ZBTB20: variants seen among roughly 807,000 people sequenced by gnomAD.
The protein encoded by ZBTB20 is zinc finger and BTB domain containing 20.
In ZBTB20, 9 loss-of-function variants were observed where a neutral mutation model predicts 56.9. The observed-to-expected ratio is 0.16, with a 90% CI of 0.10 to 0.28. The LOEUF (loss-of-function observed/expected upper bound fraction) is 0.28, where lower values mean the gene tolerates loss of function less well. Ranked by LOEUF, ZBTB20 falls within the 10% of genes least tolerant of loss-of-function variation. The pLI is 1.00. For synonymous variants in ZBTB20, 417 were observed against 420.7 expected, an observed-to-expected ratio of 0.99 and a Z score of 0.11; for missense variants, 655 against 1,003.0, an observed-to-expected ratio of 0.65 and a Z score of 4.69.
chr3:115,055,379 T>G (rs1359190361), intron 2 of ZBTB20, among the ~76,000 whole-genome samples: 1 of 152,112 alleles, frequency 6.6e-6, no homozygotes, highest in Non-Finnish European at 1.5e-5. Context: ...AGATGACCAC[T>G]GACCTGGTCA....
chr3:114,684,509 A>G (rs975393417), intron 6 of ZBTB20: 3 of 152,214 alleles, frequency 2.0e-5, no homozygotes, highest in Admixed American at 1.3e-4. Flanking sequence ...TTAGATATAC[A>G]GAAAGTTATT....
At chr3:114,804,253 G>C (rs962015206) in intron 4 of ZBTB20, among the ~76,000 whole-genome samples, 2 of 151,842 alleles carry the variant, frequency 1.3e-5, no homozygotes, top group African/African-American at 4.8e-5. Flanking sequence ...AAAACCTGAA[G>C]GGGGGTGAGA....
At chr3:114,996,282 T>G (rs570695353) in intron 2 of ZBTB20, among the ~76,000 whole-genome samples, 2 of 151,890 alleles carry the variant, frequency 1.3e-5, no homozygotes, top group Non-Finnish European at 2.9e-5. Context: ...TAGGTATACA[T>G]ATGCCATGGT....
At chr3:115,142,152 C>T (rs2084828966) in intron 1 of ZBTB20, among the ~76,000 whole-genome samples, 1 of 152,302 alleles carries the variant, frequency 6.6e-6, no homozygotes, top group East Asian at 1.9e-4. Flanking sequence ...ACAAAATCAC[C>T]AGGGAACCCT....
chr3:114,455,094 C>G (rs1320706688), intron 7 of ZBTB20, among the ~76,000 whole-genome samples: 25 of 124,988 alleles, frequency 2.0e-4, no homozygotes, highest in Non-Finnish European at 3.4e-4. Context: ...AGAGGAGAGA[C>G]GGAGAGAGAG....
intron 4 of ZBTB20, among the ~76,000 whole-genome samples, chr3:114,829,993 A>G (rs1222851583): frequency 7.9e-5 from 12 of 151,912 alleles, no homozygotes; most frequent in Admixed American, 5.3e-4. Flanking sequence ...GATCCTCGAT[A>G]CAGTCTAGGT....
intron 9 of ZBTB20, 141 bp from the exon 10 acceptor site, chr3:114,380,545 A>G: frequency 8.0e-7 from 1 of 1,250,002 alleles, no homozygotes. Context: ...GTTTTAAAAC[A>G]AGCTGATTCT....
chr3:114,616,696 C>T (rs1346123302), intron 6 of ZBTB20, among the ~76,000 whole-genome samples: 1 of 152,166 alleles, frequency 6.6e-6, no homozygotes, highest in Non-Finnish European at 1.5e-5. Context: ...AGATGACTGC[C>T]AAAGTCTGTC....
In ZBTB20 at chr3:114,323,169, A is replaced by G. The variant is rs1389308644; in HGVS notation, c.*15836T>C. 6.6e-6 allele frequency: 1 copy of G among 152,248 alleles called. No individual in the cohort carries two copies. Among genetic ancestry groups the G allele is most frequent in the African/African-American group, 2.4e-5 (1 of 41,470 alleles). 9.4% of individuals were successfully genotyped at this position (152,248 alleles called of 1,614,324 possible). On this transcript the variant is annotated 3_prime_UTR_variant, in exon 12 of 12. Coordinates refer to ENST00000675478, the MANE Select transcript of ZBTB20 (RefSeq NM_001348800.3). Reference sequence around the variant, plus strand: ...CTGATTACTTCTAAGATTAAAAAAGATAATAAAAATAAATTTAACAAAGAA... The same window carrying G: ...CTGATTACTTCTAAGATTAAAAAAGGTAATAAAAATAAATTTAACAAAGAA...
chr3:114,901,648 TTAAA>T (rs1267858733), intron 3 of ZBTB20, among the ~76,000 whole-genome samples: 8 of 152,020 alleles, frequency 5.3e-5, no homozygotes, highest in Non-Finnish European at 8.8e-5. Context: ...AGAAAAATAA[TTAAA>T]TAAAGCATAG....
intron 7 of ZBTB20, among the ~76,000 whole-genome samples, chr3:114,393,906 G>A (rs924202714): frequency 6.6e-6 from 1 of 152,182 alleles, no homozygotes; most frequent in African/African-American, 2.4e-5. Flanking sequence ...CGTTTCTGCA[G>A]ATCTGTCTTG....
intron 10 of ZBTB20, among the ~76,000 whole-genome samples, chr3:114,355,671 A>C (rs936065071): frequency 6.6e-6 from 1 of 152,230 alleles, no homozygotes; most frequent in African/African-American, 2.4e-5. Flanking sequence ...ATAGATTCCA[A>C]TGGAATAAAT....
intron 6 of ZBTB20, among the ~76,000 whole-genome samples, chr3:114,629,045 G>A (rs1043858958): frequency 5.3e-5 from 8 of 152,142 alleles, no homozygotes; most frequent in Admixed American, 3.3e-4. Context: ...CAAGTATCCT[G>A]GGTTTGTTTT....
intron 1 of ZBTB20, among the ~76,000 whole-genome samples, chr3:115,128,518 G>C (rs1263741272): frequency 6.6e-6 from 1 of 151,836 alleles, no homozygotes; most frequent in Non-Finnish European, 1.5e-5. Context: ...ACAAAAATTA[G>C]CTGGGTGTGG....
At chr3:114,973,937 A>C (rs2077993236) in intron 3 of ZBTB20, among the ~76,000 whole-genome samples, 1 of 152,004 alleles carries the variant, frequency 6.6e-6, no homozygotes, top group Non-Finnish European at 1.5e-5. Context: ...AACAAATACA[A>C]TTTTATTTCT....
At chr3:114,733,285 A>G (rs1230653013) in intron 5 of ZBTB20, among the ~76,000 whole-genome samples, 1 of 152,184 alleles carries the variant, frequency 6.6e-6, no homozygotes, top group Non-Finnish European at 1.5e-5. Flanking sequence ...CTTTCATAAC[A>G]GGTAGTTCTC....
intron 5 of ZBTB20, among the ~76,000 whole-genome samples, chr3:114,704,523 T>A (rs1387647828): frequency 2.0e-5 from 3 of 151,994 alleles, no homozygotes; most frequent in African/African-American, 7.2e-5. Context: ...ACAAAGAACA[T>A]AAATGAACAT....
At chr3:114,441,275 C>T (rs1403425769) in intron 7 of ZBTB20, among the ~76,000 whole-genome samples, 1 of 152,050 alleles carries the variant, frequency 6.6e-6, no homozygotes, top group African/African-American at 2.4e-5. Context: ...AATTTTCTGC[C>T]ACTCCGGCTC....
rs539638490 is a variant in ZBTB20, at chr3:115,094,428, A to G, written c.-702-23014T>C. On this transcript the variant is annotated intron_variant, in intron 1 of 11. Transcript: ENST00000675478. ...TCACTGTTTAAATGTCTTGGTGCCT[A>G]AATAAGATATTTTTGTTTATTTAAA... Among the ~76,000 whole-genome samples the G allele has an allele frequency of 9.2e-5, 14 of 152,214 alleles. No individual in the cohort carries two copies. The East Asian group carries it at 2.3e-3, about 25-fold the overall frequency.
Sources: gnomAD v4.1 joint callset for allele counts (sites outside exome capture counted in the v4.1 genomes callset) on GRCh38, gnomAD v4.1.1 for gene constraint, MANE v1.5 for transcripts, NCBI Gene and HGNC (gene_info 2026-07-23, HGNC 2026-07-21) for gene names.